The following KLF12 variants were observed in gnomAD, a reference collection of about 807,000 sequenced individuals.
The protein encoded by KLF12 is Krueppel-like factor 12.
In KLF12, 9 loss-of-function variants were observed where a neutral mutation model predicts 37.8. The observed-to-expected ratio is 0.24, with a 90% CI of 0.14 to 0.42. KLF12 has a LOEUF of 0.42. Ranked by LOEUF, KLF12 falls within the 10% of genes least tolerant of loss-of-function variation. The pLI is 1.00. For synonymous variants in KLF12, 208 were observed against 202.1 expected (o/e 1.03, Z -0.25); for missense variants, 411 against 516.0 (o/e 0.80, Z 1.97).
At chr13:73,973,931 G>C (rs1344201954) in intron 2 of KLF12, among the ~76,000 whole-genome samples, 1 of 151,816 alleles carries the variant, frequency 6.6e-6, no homozygotes, top group Non-Finnish European at 1.5e-5. Flanking sequence ...ACATACCGGA[G>C]ACCAAAAATT....
At chr13:74,235,870 C>A in the KLF12 span, among the ~76,000 whole-genome samples, 1 of 151,784 alleles carries the variant, frequency 6.6e-6, no homozygotes, top group African/African-American at 2.4e-5. Context: ...TGGATATACA[C>A]ACATTTACTT....
At chr13:74,139,313 AC>A in the KLF12 span, among the ~76,000 whole-genome samples, 1 of 152,264 alleles carries the variant, frequency 6.6e-6, no homozygotes, top group African/African-American at 2.4e-5. Context: ...TACTTTAATC[AC>A]CTATTTAGCC....
At chr13:73,856,924 T>C (rs913748363) in intron 3 of KLF12, among the ~76,000 whole-genome samples, 1 of 151,758 alleles carries the variant, frequency 6.6e-6, no homozygotes, top group Non-Finnish European at 1.5e-5. Context: ...GAGGAGGAGG[T>C]TGCAGTGAGC....
In KLF12 at chr13:73,805,634, GAGGGAGGGAGGGAGGGAGGAAGGA is replaced by G. The variant is rs1437974082; in HGVS notation, c.806+7494_806+7517del. Among the ~76,000 whole-genome samples the G allele has an allele frequency of 3.3e-3, 158 of 47,918 alleles. 1 individual carries two copies. The highest frequency in any genetic ancestry group is 0.011 in the African/African-American group (113 of 10,726). The allele number at this position is 47,918 out of a possible 152,430, so 31.4% of individuals were successfully genotyped here. On this transcript the variant is annotated intron_variant, in intron 5 of 7. Coordinates refer to ENST00000377669, the MANE Select transcript of KLF12 (RefSeq NM_007249.5). ...GAAGGGAGGGAGGGAGGGAGGGAGG[GAGGGAGGGAGGGAGGGAGGAAGGA>G]AGGAAGGAAGGAAGGAAGGAAGGAA... is the stretch of plus-strand genomic sequence containing the variant.
At chr13:74,062,508 CAATT>C (rs67425154) in intron 1 of KLF12, among the ~76,000 whole-genome samples, 82,797 of 151,424 alleles carry the variant, frequency 0.55, 25,385 homozygotes, top group East Asian at 0.87. Flanking sequence ...CATAGTCAGA[CAATT>C]AAAATGCACT....
At chr13:74,131,969 T>C (rs1593926485) in intron 1 of KLF12, among the ~76,000 whole-genome samples, 2 of 152,322 alleles carry the variant, frequency 1.3e-5, no homozygotes, top group South Asian at 4.1e-4. Flanking sequence ...CTGAAACGTC[T>C]GTCCTTCAAC....
intron 6 of KLF12, among the ~76,000 whole-genome samples, chr13:73,739,835 G>C (rs1040834398): frequency 7.9e-5 from 12 of 152,304 alleles, no homozygotes; most frequent in Non-Finnish European, 2.9e-5. Context: ...AATTTATCTG[G>C]GTTTAGCACA....
At position 73,928,683 on chromosome 13, in the gene KLF12, T is replaced by C. The variant is rs74095906; in HGVS notation, c.123+15298A>G. On this transcript the variant is annotated intron_variant, in intron 3 of 7. Transcript: ENST00000377669. ...ATTCTTCAAGACCTGCAAAAATCAA[T>C]GATTTCCCATGACTGTCTTACCTAA... 3.2e-3 allele frequency among the ~76,000 whole-genome samples: 493 copies of C among 152,308 alleles called. 5 individuals carry two copies. Among genetic ancestry groups the C allele is most frequent in the African/African-American group, 0.011 (459 of 41,558 alleles).
chr13:73,820,088 C>G (rs1009210234), intron 4 of KLF12, among the ~76,000 whole-genome samples: 1 of 152,064 alleles, frequency 6.6e-6, no homozygotes, highest in African/African-American at 2.4e-5. Flanking sequence ...TTGGAGGGTA[C>G]TGAGCAGAAG....
intron 6 of KLF12, among the ~76,000 whole-genome samples, chr13:73,744,344 A>G (rs1034870093): frequency 2.6e-5 from 4 of 152,116 alleles, no homozygotes; most frequent in African/African-American, 9.7e-5. Flanking sequence ...GGTCAATACT[A>G]CCTATTGTGA....
intron 4 of KLF12, among the ~76,000 whole-genome samples, chr13:73,840,875 T>C (rs1388740868): frequency 6.6e-6 from 1 of 151,892 alleles, no homozygotes; most frequent in Non-Finnish European, 1.5e-5. Context: ...TCCTAGCAGC[T>C]CCTCCTCACA....
At chr13:74,006,387 A>G (rs1892408551) in intron 1 of KLF12, among the ~76,000 whole-genome samples, 1 of 152,252 alleles carries the variant, frequency 6.6e-6, no homozygotes, top group Middle Eastern at 3.4e-3. Context: ...TGATCTCCTA[A>G]AAGTTAAACT....
intron 6 of KLF12, among the ~76,000 whole-genome samples, chr13:73,741,596 T>C (rs17090387): frequency 0.019 from 2,823 of 152,240 alleles, 72 homozygotes; most frequent in African/African-American, 0.061. Flanking sequence ...CCTTCAGAGC[T>C]TCAGGGTCAC....
intron 1 of KLF12, among the ~76,000 whole-genome samples, chr13:74,050,447 G>C (rs1041913281): frequency 6.6e-6 from 1 of 152,166 alleles, no homozygotes; most frequent in African/African-American, 2.4e-5. Context: ...AGGAGACAAA[G>C]GACACACAGG....
intron 2 of KLF12, among the ~76,000 whole-genome samples, chr13:73,953,846 T>C (rs182482622): frequency 1.3e-5 from 2 of 152,264 alleles, no homozygotes; most frequent in African/African-American, 4.8e-5. Flanking sequence ...GTTAAGTTTT[T>C]AAAGTGTGAC....
chr13:73,918,316 T>C (rs1888945067), intron 3 of KLF12, among the ~76,000 whole-genome samples: 1 of 152,190 alleles, frequency 6.6e-6, no homozygotes, highest in Non-Finnish European at 1.5e-5. Flanking sequence ...CAAATCTTTG[T>C]TTCCATGGCA....
In KLF12 at chr13:73,916,208, T is replaced by C. The variant is rs984595941; in HGVS notation, c.123+27773A>G. Among the ~76,000 whole-genome samples, 315 of 109,962 alleles carry C rather than the reference T, an allele frequency of 2.9e-3. 1 individual carries two copies. Among genetic ancestry groups the C allele is most frequent in the African/African-American group, 8.6e-3 (277 of 32,240 alleles). 72.1% of individuals were successfully genotyped at this position (109,962 alleles called of 152,430 possible). A position where few individuals can be genotyped will look rare whatever the true frequency, so the allele number is the denominator to read the frequency against. On this transcript the variant is annotated intron_variant, in intron 3 of 7. Coordinates refer to ENST00000377669, the MANE Select transcript of KLF12 (RefSeq NM_007249.5). ...TCCAACTTGGGGAAGAGCTAATACT[T>C]ACACACACACACACACACACACACA...
At chr13:73,918,079 TAC>T (rs140232883) in intron 3 of KLF12, among the ~76,000 whole-genome samples, 1 of 151,302 alleles carries the variant, frequency 6.6e-6, no homozygotes, top group Non-Finnish European at 1.5e-5. Flanking sequence ...CACCAACATC[TAC>T]ACACACACAC....
At chr13:74,026,747 T>G (rs1180276392) in intron 1 of KLF12, among the ~76,000 whole-genome samples, 1 of 152,194 alleles carries the variant, frequency 6.6e-6, no homozygotes, top group Non-Finnish European at 1.5e-5. Context: ...CTGTAATTTG[T>G]GTTCTAGAAT....
Sources: gnomAD v4.1 joint callset for allele counts (sites outside exome capture counted in the v4.1 genomes callset) on GRCh38, gnomAD v4.1.1 for gene constraint, MANE v1.5 for transcripts, NCBI Gene and HGNC (gene_info 2026-07-23, HGNC 2026-07-21) for gene names.